The following A2ML1 variants were observed in gnomAD, a reference collection of about 807,000 sequenced individuals.
A2ML1 encodes the protein alpha-2-macroglobulin-like protein 1.
In A2ML1, 161 loss-of-function variants were observed where a neutral mutation model predicts 181.9. The ratio of observed to expected loss-of-function variants is 0.89; its 90% CI spans 0.78 to 1.01. The LOEUF is 1.01. Among genes scored for constraint, A2ML1 ranks in the 50% least tolerant of loss-of-function variants. The pLI is 0.00. For synonymous variants in A2ML1, 663 were observed against 666.8 expected (o/e 0.99, Z 0.09); for missense variants, 1,670 against 1,768.1 (o/e 0.94, Z 1.00).
In A2ML1 at chr12:8,829,847, T is replaced by C. The variant is rs1019577836; in HGVS notation, c.462+68T>C. 4.4e-6 allele frequency: 7 copies of C among 1,599,476 alleles called. No individual in the cohort carries two copies. In the African/African-American group the frequency reaches 9.4e-5, roughly 21 times the overall value. On this transcript the variant is annotated intron_variant, in intron 4 of 35. Coordinates refer to ENST00000299698, the MANE Select transcript of A2ML1 (RefSeq NM_144670.6). ...GAAAAGGATGAGAGATTCTCTAGGG[T>C]GGAAGTCCTCTCAGCCTGGGCGTGG...
Position 8,843,325 on chromosome 12 carries a change from T to C in A2ML1, c.1440T>C (p.Asp480=), listed in dbSNP as rs764291805. 95 of 1,613,738 alleles carry C rather than the reference T, an allele frequency of 5.9e-5. No individual in the cohort carries two copies. Among genetic ancestry groups the C allele is most frequent in the Non-Finnish European group, 7.2e-5 (85 of 1,180,026 alleles). The part of the protein sequence containing the change: ...VLVDYYIDPA[D]ASPDQEISFS... ...TGGATTATTACATCGACCCGGCCGA[T>C]GCAAGCCCTGACCAAGAGATCAGCT... Residue 480 remains aspartate, a synonymous_variant, in exon 12 of 36, where the codon GAT becomes GAC. Coordinates refer to ENST00000299698, the MANE Select transcript of A2ML1 (RefSeq NM_144670.6).
At chr12:8,884,224 A>ATTTTTTTTTTT (rs202171810) in intron 7 of A2ML1, among the ~76,000 whole-genome samples, 2 of 93,762 alleles carry the variant, frequency 2.1e-5, no homozygotes, top group East Asian at 3.7e-4. Context: ...TCTTTTTTTT[A>ATTTTTTTTTTT]TTTTTTGTTT....
intron 10 of A2ML1, among the ~76,000 whole-genome samples, chr12:8,840,572 G>A (rs1472696241): frequency 6.6e-6 from 1 of 151,970 alleles, no homozygotes; most frequent in African/African-American, 2.4e-5. Flanking sequence ...TAGAGCCTAA[G>A]GATTACACAG....
At position 8,857,537 on chromosome 12, in the gene A2ML1, G is replaced by A. The variant is rs747423455; in HGVS notation, c.3056G>A (p.Ser1019Asn). 6.2e-7 allele frequency: 1 copy of A among 1,612,228 alleles called. No individual in the cohort carries two copies. Among genetic ancestry groups the A allele is most frequent in the South Asian group, 1.1e-5 (1 of 90,712 alleles). Residue 1019 changes from serine to asparagine, a missense_variant, in exon 25 of 36, where the codon AGC becomes AAC. Physicochemically the swap from Ser to Asn is conservative, Grantham distance 46 (BLOSUM62 1). Transcript: ENST00000299698. Reference protein sequence around the residue: ...GYQKELMYKHSNGSYSAFGER... With the variant: ...GYQKELMYKHNNGSYSAFGER... Reference sequence around the variant, plus strand: ...CAGAAGGAGCTGATGTACAAACACAGCAATGGCTCATACAGTGCCTTTGGG... The same window carrying A: ...CAGAAGGAGCTGATGTACAAACACAACAATGGCTCATACAGTGCCTTTGGG...
At chr12:8,851,750 C>T in intron 18 of A2ML1, 34 bp from the exon 19 acceptor site, 2 of 1,607,328 alleles carry the variant, frequency 1.2e-6, no homozygotes, top group Non-Finnish European at 1.7e-6. Context: ...CCCCACGCTA[C>T]CTCTGCCTCA....
At chr12:8,879,117 T>C (rs1944844114), downstream of A2ML1, among the ~76,000 whole-genome samples, 1 of 152,010 alleles carries the variant, frequency 6.6e-6, no homozygotes, top group Non-Finnish European at 1.5e-5. Context: ...TGAGGGCAGA[T>C]GGGGGAAGAT....
In A2ML1 at chr12:8,852,287, T is replaced by G; in HGVS notation, c.2541T>G (p.Cys847Trp). Residue 847 changes from cysteine to tryptophan, a missense_variant, in exon 20 of 36, where the codon TGT (cysteine) becomes TGG (tryptophan). Transcript: ENST00000299698. The surrounding 1 kb of genome is among the most constrained non-coding windows in gnomAD (Gnocchi z 4.2). ...WADSQTSSCL[C>W]ADDAKTHHWN... ...ATTCTCAGACCTCCAGTTGTCTCTGTGCTGATGACGCAAAAACCCACCACT... is the reference window on the plus strand; with the variant it reads ...ATTCTCAGACCTCCAGTTGTCTCTGGGCTGATGACGCAAAAACCCACCACT... 1.9e-6 allele frequency: 3 copies of G among 1,614,132 alleles called. No individual in the cohort carries two copies. The highest frequency in any genetic ancestry group is 2.5e-6 in the Non-Finnish European group (3 of 1,180,034).
chr12:8,857,317 G>A lies in A2ML1; in HGVS notation c.3002G>A (p.Arg1001Gln), dbSNP rs768554605. 51 of 1,613,812 alleles carry A rather than the reference G, an allele frequency of 3.2e-5. No homozygotes were observed. The East Asian group carries it at 5.1e-4, about 16-fold the overall frequency. ...AGLLTEEIRSRAVGFLEIGYQ... is the reference protein window; with the variant it reads ...AGLLTEEIRSQAVGFLEIGYQ... ...CTGCTGACGGAGGAGATCAGGTCTC[G>A]GGCAGTGGGTTTCCTGGAAATAGGT... Residue 1001 changes from arginine (R) to glutamine (Q), a missense_variant, in exon 24 of 36, where the codon CGG becomes CAG. Coordinates refer to ENST00000299698, the MANE Select transcript of A2ML1 (RefSeq NM_144670.6).
chr12:8,867,956 A>T lies in A2ML1; in HGVS notation c.3832A>T (p.Ile1278Leu). The T allele has an allele frequency of 6.2e-7, 1 of 1,614,252 alleles. No individual in the cohort carries two copies. Among genetic ancestry groups the T allele is most frequent in the Non-Finnish European group, 8.5e-7 (1 of 1,180,050 alleles). ...TGAGAATTTCCAGCGCACATTCAAC[A>T]TACAGTCAGTTAACAGATTGGTATT... Reference protein sequence around the residue: ...STENFQRTFNIQSVNRLVFQQ... With the variant: ...STENFQRTFNLQSVNRLVFQQ... The change falls in exon 30 of 36, where the codon ATA becomes TTA. Residue 1278 changes from isoleucine to leucine, a missense_variant. Ile to Leu is a conservative substitution (Grantham distance 5). Transcript: ENST00000299698.
At chr12:8,865,314 CGGATCACCTGAGGTCG>C (rs1944388617) in intron 29 of A2ML1, among the ~76,000 whole-genome samples, 1 of 147,254 alleles carries the variant, frequency 6.8e-6, no homozygotes, top group African/African-American at 2.5e-5. Flanking sequence ...CCGAGGCAGG[CGGATCACCTGAGGTCG>C]GGAGTTCGAG....
At chr12:8,874,019 A>AT (rs1024383972) in intron 33 of A2ML1, among the ~76,000 whole-genome samples, 12 of 151,138 alleles carry the variant, frequency 7.9e-5, no homozygotes, top group South Asian at 2.1e-4. Flanking sequence ...TAAAAAAAAA[A>AT]TTTTTTTTTA....
chr12:8,839,716 T>C (rs1477479867), intron 10 of A2ML1, among the ~76,000 whole-genome samples: 1 of 152,180 alleles, frequency 6.6e-6, no homozygotes, highest in African/African-American at 2.4e-5. Flanking sequence ...TGTATAGCTC[T>C]GTAAGCAATT....
rs2136691291 is a variant in A2ML1, at chr12:8,822,680, T to A, written c.29T>A (p.Leu10Ter). The A allele has an allele frequency of 1.9e-6, 3 of 1,614,208 alleles. No homozygotes were observed. The highest frequency in any genetic ancestry group is 2.5e-6 in the Non-Finnish European group (3 of 1,180,004). MWAQLLLGM[L>*]ALSPAIAEEL... ...TGGGCTCAGCTCCTTCTAGGAATGT[T>A]GGCCCTATCACCAGCCATTGCAGAA... Residue 10 changes from leucine (L) to a stop codon, truncating the protein, a stop_gained, in exon 1 of 36, where the codon TTG becomes TAG. Transcript: ENST00000299698. LOFTEE classifies it high-confidence loss of function.
intron 10 of A2ML1, among the ~76,000 whole-genome samples, chr12:8,839,489 C>T (rs182089631): frequency 3.0e-4 from 45 of 149,030 alleles, no homozygotes; most frequent in African/African-American, 9.6e-4. Flanking sequence ...GCCTGCCTCC[C>T]GGGTATACAC....
chr12:8,884,213 T>C (rs1944896507), intron 7 of A2ML1, among the ~76,000 whole-genome samples: 1 of 151,104 alleles, frequency 6.6e-6, no homozygotes, highest in Non-Finnish European at 1.5e-5. Context: ...TCTTTTGAAA[T>C]TCTTTTTTTT....
intron 18 of A2ML1, among the ~76,000 whole-genome samples, chr12:8,850,972 C>T (rs1943868653): frequency 6.6e-6 from 1 of 152,146 alleles, no homozygotes; most frequent in African/African-American, 2.4e-5. Context: ...CTCCTGGCCT[C>T]AAGTGATCCA....
chr12:8,887,235 T>A (rs1368592976), downstream of A2ML1, among the ~76,000 whole-genome samples: 1 of 151,558 alleles, frequency 6.6e-6, no homozygotes, highest in African/African-American at 2.4e-5. Context: ...AGTGGAAAAA[T>A]TAAAAGAAAT....
At chr12:8,882,856 A>C (rs755961285) in intron 7 of A2ML1, among the ~76,000 whole-genome samples, 1 of 152,132 alleles carries the variant, frequency 6.6e-6, no homozygotes, top group Non-Finnish European at 1.5e-5. Flanking sequence ...AAAACCCTTC[A>C]GGGGCTGTTA....
Position 8,822,668 on chromosome 12 carries a change from T to C in A2ML1, c.17T>C (p.Leu6Pro). MWAQL[L>P]LGMLALSPAI... ...CCCACAAAGATGTGGGCTCAGCTCCTTCTAGGAATGTTGGCCCTATCACCA... is the reference window on the plus strand; with the variant it reads ...CCCACAAAGATGTGGGCTCAGCTCCCTCTAGGAATGTTGGCCCTATCACCA... The change falls in exon 1 of 36, where the codon CTT becomes CCT. Residue 6 changes from leucine to proline, a missense_variant. Coordinates refer to ENST00000299698, the MANE Select transcript of A2ML1 (RefSeq NM_144670.6). 2 of 1,614,144 alleles carry C rather than the reference T, an allele frequency of 1.2e-6. No homozygotes were observed. Among genetic ancestry groups the C allele is most frequent in the Non-Finnish European group, 1.7e-6 (2 of 1,179,982 alleles).
Sources: gnomAD v4.1 joint callset for allele counts (sites outside exome capture counted in the v4.1 genomes callset) on GRCh38, gnomAD v4.1.1 for gene constraint, Gnocchi (gnomAD v3.1) non-coding constraint, MANE v1.5 for transcripts, NCBI Gene and HGNC (gene_info 2026-07-23, HGNC 2026-07-21) for gene names.